Variants in NPFFR2 observed in about 807,000 individuals in gnomAD.
NPFFR2 encodes the protein G-protein coupled receptor 74.
A neutral mutation model predicts 13.1 loss-of-function variants in NPFFR2; 15 were observed. The ratio of observed to expected loss-of-function variants is 1.15; its 90% CI spans 0.77 to 1.76. NPFFR2 has a LOEUF of 1.76. Ranked by LOEUF, NPFFR2 falls within the 40% of genes most tolerant of loss-of-function variation. The pLI is 0.00. For missense variants in NPFFR2, 572 were observed against 503.5 expected (o/e 1.14, Z -1.30); for synonymous variants, 190 against 175.7 (o/e 1.08, Z -0.65).
intron 1 of NPFFR2, among the ~76,000 whole-genome samples, chr4:72,081,019 G>A (rs914020959): frequency 3.9e-5 from 6 of 152,064 alleles, no homozygotes; most frequent in African/African-American, 1.4e-4. Context: ...CAACTTGCTT[G>A]TCTACTCAGA....
intron 1 of NPFFR2, among the ~76,000 whole-genome samples, chr4:72,070,429 G>C (rs1050342114): frequency 1.3e-5 from 2 of 152,038 alleles, no homozygotes; most frequent in Non-Finnish European, 2.9e-5. Context: ...AATGAGGAGG[G>C]TCACATACAT....
At chr4:72,034,815 A>C (rs1292373271) in intron 1 of NPFFR2, among the ~76,000 whole-genome samples, 1 of 152,208 alleles carries the variant, frequency 6.6e-6, no homozygotes, top group Admixed American at 6.5e-5. Flanking sequence ...TTAAACTAGA[A>C]GGAAATGGAA....
At chr4:72,138,772 T>TATTGGATTATAATG (rs1722502550) in intron 3 of NPFFR2, among the ~76,000 whole-genome samples, 1 of 152,216 alleles carries the variant, frequency 6.6e-6, no homozygotes, top group Admixed American at 6.5e-5. Flanking sequence ...TTTGGGTATA[T>TATTGGATTATAATG]ACCTAGTAAT....
chr4:72,032,056 G>A lies in NPFFR2; in HGVS notation c.-152G>A. The A allele has an allele frequency of 1.9e-6, 3 of 1,614,086 alleles. No individual in the cohort carries two copies. Among genetic ancestry groups the A allele is most frequent in the Non-Finnish European group, 2.5e-6 (3 of 1,179,990 alleles). On this transcript the variant is annotated 5_prime_UTR_variant, in exon 1 of 4. Coordinates refer to ENST00000308744, the MANE Select transcript of NPFFR2 (RefSeq NM_004885.3). Reference sequence around the variant, plus strand: ...TGGAGCGGAAGCCTGGAGTGGAGCAGGCAGTCCGCGGGGGACAGACGTCGG... The same window carrying A: ...TGGAGCGGAAGCCTGGAGTGGAGCAAGCAGTCCGCGGGGGACAGACGTCGG...
intron 1 of NPFFR2, among the ~76,000 whole-genome samples, chr4:72,093,635 C>T (rs1430791132): frequency 1.2e-5 from 1 of 82,508 alleles, no homozygotes; most frequent in Non-Finnish European, 3.3e-5. Flanking sequence ...TGAGACTTTC[C>T]AGTGCATTTT....
intron 1 of NPFFR2, among the ~76,000 whole-genome samples, chr4:72,046,677 A>G (rs2109760608): frequency 6.6e-6 from 1 of 152,296 alleles, no homozygotes; most frequent in East Asian, 1.9e-4. Context: ...TAATGGGTAG[A>G]GGCTGGAAGA....
intron 1 of NPFFR2, among the ~76,000 whole-genome samples, chr4:72,107,584 G>A (rs1269195219): frequency 6.6e-6 from 1 of 151,886 alleles, no homozygotes; most frequent in African/African-American, 2.4e-5. Context: ...CATGTATAAA[G>A]CAATTAGCTT....
At chr4:72,073,027 A>G (rs28824820) in intron 1 of NPFFR2, among the ~76,000 whole-genome samples, 41,153 of 151,950 alleles carry the variant, frequency 0.27, 5,892 homozygotes, top group Middle Eastern at 0.37. Context: ...GATCAGCAAA[A>G]TAGAGTTTTT....
chr4:72,099,973 T>C (rs980833365), intron 1 of NPFFR2, among the ~76,000 whole-genome samples: 5 of 152,090 alleles, frequency 3.3e-5, no homozygotes, highest in East Asian at 1.9e-4. Flanking sequence ...TTCAGACATA[T>C]GGGAATATTT....
intron 1 of NPFFR2, among the ~76,000 whole-genome samples, chr4:72,103,930 G>A (rs755353307): frequency 5.9e-5 from 9 of 151,798 alleles, no homozygotes; most frequent in Non-Finnish European, 1.2e-4. Flanking sequence ...AACAGAACCG[G>A]CAAATTTCTG....
At chr4:72,112,368 A>G (rs72856202) in intron 1 of NPFFR2, among the ~76,000 whole-genome samples, 5,204 of 152,032 alleles carry the variant, frequency 0.034, 286 homozygotes, top group African/African-American at 0.12. Flanking sequence ...AACCATCTAA[A>G]GAGCTCCACT....
intron 1 of NPFFR2, among the ~76,000 whole-genome samples, chr4:72,049,670 T>C (rs2109763383): frequency 6.6e-6 from 1 of 152,090 alleles, no homozygotes; most frequent in African/African-American, 2.4e-5. Flanking sequence ...GTCTTAGGTA[T>C]TATAAATTCA....
chr4:72,053,601 A>G (rs1382186912), intron 1 of NPFFR2, among the ~76,000 whole-genome samples: 1 of 151,870 alleles, frequency 6.6e-6, no homozygotes, highest in Non-Finnish European at 1.5e-5. Flanking sequence ...ATCCATTGCC[A>G]ATATATAGAA....
At chr4:72,057,915 T>A (rs1719801418) in intron 1 of NPFFR2, among the ~76,000 whole-genome samples, 1 of 151,946 alleles carries the variant, frequency 6.6e-6, no homozygotes, top group Admixed American at 6.6e-5. Context: ...AAATGCATAA[T>A]GTGAATCTAA....
In NPFFR2 at chr4:72,147,106, A is replaced by G. The variant is rs763882926; in HGVS notation, c.557A>G (p.Glu186Gly). The G allele has an allele frequency of 6.2e-7, 1 of 1,614,128 alleles. No homozygotes were observed. The highest frequency in any genetic ancestry group is 1.1e-5 in the South Asian group (1 of 91,082). ...TCTGCAGTAATGTTACATGTGCAAG[A>G]AGAAAAATATTACCGAGTGAGACTC... ...SPSAVMLHVQEEKYYRVRLNS... is the reference protein window; with the variant it reads ...SPSAVMLHVQGEKYYRVRLNS... The change falls in exon 4 of 4, where the codon GAA becomes GGA. Residue 186 changes from glutamate (E) to glycine (G), a missense_variant. Glu to Gly is a moderately conservative substitution (Grantham distance 98, BLOSUM62 -2). Transcript: ENST00000308744.
At chr4:72,075,960 CACACACACACACACAT>C (rs1226817746) in intron 1 of NPFFR2, among the ~76,000 whole-genome samples, 2 of 13,792 alleles carry the variant, frequency 1.5e-4, no homozygotes, top group East Asian at 1.6e-3. Context: ...CTCTCTGTCA[CACACACACACACACAT>C]ACACACACAC....
chr4:72,054,324 A>G (rs1719678813), intron 1 of NPFFR2, among the ~76,000 whole-genome samples: 1 of 151,886 alleles, frequency 6.6e-6, no homozygotes, highest in East Asian at 1.9e-4. Context: ...ACAGAAATAG[A>G]CCCACACTTA....
chr4:72,079,054 ACACACAC>A (rs1477159918), intron 1 of NPFFR2, among the ~76,000 whole-genome samples: 2 of 49,660 alleles, frequency 4.0e-5, no homozygotes, highest in Non-Finnish European at 8.5e-5. Context: ...ATAGAACTAA[ACACACAC>A]ACACACACAC....
At position 72,147,642 on chromosome 4, in the gene NPFFR2, C is replaced by G. The variant is rs1448255321; in HGVS notation, c.1093C>G (p.Leu365Val). The change falls in exon 4 of 4, where the codon CTA (leucine) becomes GTA (valine). Residue 365 changes from leucine to valine, a missense_variant. Coordinates refer to ENST00000308744, the MANE Select transcript of NPFFR2 (RefSeq NM_004885.3). ...AGCAAAGCCTATGGAAGCTTATGCC[C>G]TAAAAGCTAAAAGCCATGTGCTCAT... ...KRAKPMEAYA[L>V]KAKSHVLINT... 1.2e-6 allele frequency: 2 copies of G among 1,614,054 alleles called. No individual in the cohort carries two copies. Among genetic ancestry groups the G allele is most frequent in the Non-Finnish European group, 1.7e-6 (2 of 1,180,006 alleles).
Sources: gnomAD v4.1 joint callset for allele counts (sites outside exome capture counted in the v4.1 genomes callset) on GRCh38, gnomAD v4.1.1 for gene constraint, MANE v1.5 for transcripts, NCBI Gene and HGNC (gene_info 2026-07-23, HGNC 2026-07-21) for gene names.